STOX2: variants seen among roughly 807,000 people sequenced by gnomAD.
STOX2 encodes the protein storkhead-box protein 2.
A neutral mutation model predicts 60.9 loss-of-function variants in STOX2; 28 were observed. The observed-to-expected ratio is 0.46, with a 90% CI of 0.34 to 0.63. STOX2 has a LOEUF of 0.63. Among genes scored for constraint, STOX2 ranks in the 30% least tolerant of loss-of-function variants. The pLI is 0.01. For missense variants in STOX2, 1,024 were observed against 1,187.7 expected, an observed-to-expected ratio of 0.86 and a Z score of 2.03; for synonymous variants, 472 against 463.9, an observed-to-expected ratio of 1.02 and a Z score of -0.22.
intron 1 of STOX2, among the ~76,000 whole-genome samples, chr4:183,950,710 G>C (rs891205832): frequency 2.6e-5 from 4 of 152,212 alleles, no homozygotes; most frequent in Non-Finnish European, 5.9e-5. Context: ...GCCTGCTGGG[G>C]ACTCCAGACA....
intron 1 of STOX2, among the ~76,000 whole-genome samples, chr4:183,948,151 G>A (rs1742949951): frequency 6.9e-6 from 1 of 144,664 alleles, no homozygotes; most frequent in Non-Finnish European, 1.5e-5. Flanking sequence ...CTGGCAGGTG[G>A]AGGTTGCAGT....
chr4:183,861,851 A>G (rs1740455420), intron 1 of STOX2, among the ~76,000 whole-genome samples: 2 of 152,182 alleles, frequency 1.3e-5, no homozygotes, highest in East Asian at 1.9e-4. Flanking sequence ...AAGAGCCCAA[A>G]TATTAATTTA....
Position 183,865,922 on chromosome 4 carries a change from G to A in STOX2, c.364+67867G>A, listed in dbSNP as rs984830562. Among the ~76,000 whole-genome samples the A allele has an allele frequency of 3.3e-5, 5 of 152,114 alleles. No homozygotes were observed. The highest frequency in any genetic ancestry group is 4.2e-4 in the South Asian group (2 of 4,816). The stretch of plus-strand genomic sequence containing the variant: ...AACAACGTTTAAGCTGATGAGTGGC[G>A]TGATAAAGATTAGGCTTTAGGAAAA... On this transcript the variant is annotated intron_variant, in intron 1 of 2. Transcript: ENST00000513034. The surrounding 1 kb of genome is among the most constrained non-coding windows in gnomAD (Gnocchi z 4.1).
At chr4:183,867,388 C>T (rs1579352821) in intron 1 of STOX2, among the ~76,000 whole-genome samples, 1 of 152,114 alleles carries the variant, frequency 6.6e-6, no homozygotes, top group African/African-American at 2.4e-5. Context: ...CTTCTTAAGC[C>T]GAGAGCCCGA....
intron 3 of STOX2, chr4:184,014,776 T>G (rs1349814160): frequency 6.6e-6 from 1 of 152,108 alleles, no homozygotes; most frequent in African/African-American, 2.4e-5. Flanking sequence ...TATTTACCAC[T>G]ATTAATATGT....
intron 1 of STOX2, among the ~76,000 whole-genome samples, chr4:183,883,127 C>T (rs1740993316): frequency 6.6e-6 from 1 of 152,004 alleles, no homozygotes; most frequent in Non-Finnish European, 1.5e-5. Flanking sequence ...TCCCCATCTA[C>T]TCCCTCCTCC....
intron 1 of STOX2, among the ~76,000 whole-genome samples, chr4:183,826,348 T>C (rs1739431575): frequency 1.3e-5 from 2 of 152,094 alleles, no homozygotes; most frequent in Admixed American, 6.5e-5. Context: ...GCGAACCTGT[T>C]CCCCTGAGAA....
At chr4:183,818,603 C>T (rs1190530012) in intron 1 of STOX2, among the ~76,000 whole-genome samples, 1 of 152,272 alleles carries the variant, frequency 6.6e-6, no homozygotes, top group African/African-American at 2.4e-5. Flanking sequence ...TCTCAATGAG[C>T]TGTTGAGTAC....
chr4:183,880,764 A>G (rs1316777861), intron 1 of STOX2, among the ~76,000 whole-genome samples: 5 of 152,248 alleles, frequency 3.3e-5, no homozygotes, highest in African/African-American at 7.2e-5. Flanking sequence ...TCATTTTACA[A>G]TTTGAACAAC....
chr4:183,813,442 A>G (rs1313309248), intron 1 of STOX2, among the ~76,000 whole-genome samples: 1 of 152,200 alleles, frequency 6.6e-6, no homozygotes, highest in African/African-American at 2.4e-5. Context: ...TGCTTTAGGT[A>G]TTATGGGTAA....
At chr4:183,920,001 A>T (rs1742052460) in intron 1 of STOX2, among the ~76,000 whole-genome samples, 1 of 152,356 alleles carries the variant, frequency 6.6e-6, no homozygotes, top group Middle Eastern at 3.4e-3. Context: ...GGTGCCACTG[A>T]TTAATATTTT....
Position 184,018,541 on chromosome 4 carries a change from C to T in STOX2, c.*1257C>T, listed in dbSNP as rs1292136813. 6.6e-6 allele frequency: 1 copy of T among 152,204 alleles called. No individual in the cohort carries two copies. The highest frequency in any genetic ancestry group is 2.4e-5 in the African/African-American group (1 of 41,450). 9.4% of individuals were successfully genotyped at this position (152,204 alleles called of 1,614,324 possible). ...GAATTTGTACTCCCCTAAAATTTAT[C>T]AGAATAACAATTATGCATACATGAA... is the stretch of plus-strand genomic sequence containing the variant. On this transcript the variant is annotated 3_prime_UTR_variant, in exon 4 of 4. Coordinates refer to ENST00000308497, the MANE Select transcript of STOX2 (RefSeq NM_020225.3).
chr4:183,929,614 T>A (rs1036018900), intron 1 of STOX2, among the ~76,000 whole-genome samples: 4 of 152,144 alleles, frequency 2.6e-5, no homozygotes, highest in African/African-American at 9.7e-5. Context: ...TTTGTAAACA[T>A]TAAAACCAAA....
At chr4:183,848,369 A>G (rs1280944176) in intron 1 of STOX2, among the ~76,000 whole-genome samples, 2 of 152,154 alleles carry the variant, frequency 1.3e-5, no homozygotes, top group Admixed American at 1.3e-4. Context: ...TAATATACAA[A>G]AGTCTTTTCC....
At chr4:183,905,237 C>G (rs1005113183), upstream of STOX2, 1 of 152,324 alleles carries the variant, frequency 6.6e-6, no homozygotes, top group Admixed American at 6.5e-5. Context: ...CAGGCCCGGG[C>G]GGCGCATTGG....
chr4:183,923,272 A>G (rs1335931926), intron 1 of STOX2, among the ~76,000 whole-genome samples: 1 of 152,214 alleles, frequency 6.6e-6, no homozygotes, highest in East Asian at 1.9e-4. Flanking sequence ...ATTTCTCCAC[A>G]TCCCTGACAA....
Position 184,011,652 on chromosome 4 carries a change from C to T in STOX2, c.2585+229C>T, listed in dbSNP as rs752572972. On this transcript the variant is annotated intron_variant, in intron 3 of 3. Transcript: ENST00000308497. This position sits in a 1 kb window ranked among gnomAD's most constrained non-coding sequence, Gnocchi z 4.4. ...TCTGGACTGGTGGGTTGGCTCCTCC[C>T]CTCAAACTTGCATCAGTCTGATCTA... 6 of 1,494,620 alleles carry T rather than the reference C, an allele frequency of 4.0e-6. No individual in the cohort carries two copies. Among genetic ancestry groups the T allele is most frequent in the South Asian group, 1.3e-5 (1 of 79,918 alleles). 92.6% of individuals were successfully genotyped at this position (1,494,620 alleles called of 1,614,324 possible).
At chr4:183,885,749 T>C (rs1741064354) in intron 1 of STOX2, among the ~76,000 whole-genome samples, 1 of 152,236 alleles carries the variant, frequency 6.6e-6, no homozygotes, top group Admixed American at 6.5e-5. Flanking sequence ...CAGGACCTCC[T>C]CTTTAAATTT....
chr4:183,826,159 T>A (rs1739426921), intron 1 of STOX2, among the ~76,000 whole-genome samples: 1 of 152,136 alleles, frequency 6.6e-6, no homozygotes, highest in Non-Finnish European at 1.5e-5. Context: ...GCTCCTCAGA[T>A]GATTCCAGTG....
Sources: allele counts gnomAD v4.1 joint callset (sites outside exome capture counted in the v4.1 genomes callset), GRCh38; gene constraint gnomAD v4.1.1; non-coding constraint Gnocchi (gnomAD v3.1); transcripts MANE v1.5; gene names NCBI Gene and HGNC (gene_info 2026-07-23, HGNC 2026-07-21).